Variants in MIS18A observed in about 807,000 individuals in gnomAD.
MIS18A encodes protein Mis18-alpha.
In MIS18A, 14 loss-of-function variants were observed where a neutral mutation model predicts 25.0. The observed-to-expected ratio is 0.56, with a 90% confidence interval of 0.37 to 0.88. The LOEUF (loss-of-function observed/expected upper bound fraction) is 0.88. MIS18A is among the 40% of genes least tolerant of loss of function. MIS18A has a pLI of 0.00. For synonymous variants in MIS18A, 134 were observed against 118.6 expected (o/e 1.13, Z -0.84); for missense variants, 292 against 290.8 (o/e 1.00, Z -0.03).
At chr21:32,226,186 C>T in the MIS18A span, among the ~76,000 whole-genome samples, 4 of 140,150 alleles carry the variant, frequency 2.9e-5, no homozygotes, top group Admixed American at 7.2e-5. Flanking sequence ...GGCTAGATGA[C>T]GAGTTAGTGG....
the MIS18A span, among the ~76,000 whole-genome samples, chr21:32,216,432 G>A: frequency 2.6e-5 from 4 of 152,292 alleles, no homozygotes; most frequent in East Asian, 7.7e-4. Context: ...TATGTGATGT[G>A]ACTCAGAGCT....
At chr21:32,202,944 T>C in the MIS18A span, among the ~76,000 whole-genome samples, 1 of 152,222 alleles carries the variant, frequency 6.6e-6, no homozygotes, top group Non-Finnish European at 1.5e-5. Flanking sequence ...AACTTGACTA[T>C]ACAAATATTT....
the MIS18A span, among the ~76,000 whole-genome samples, chr21:32,231,819 G>A: frequency 9.9e-5 from 15 of 152,094 alleles, no homozygotes; most frequent in South Asian, 2.1e-4. Context: ...AGGCTGAGGC[G>A]GGAGAATGGC....
the MIS18A span, among the ~76,000 whole-genome samples, chr21:32,231,236 GAAAAA>G: frequency 1.2e-5 from 1 of 85,260 alleles, no homozygotes. Flanking sequence ...ACCCTGTCTC[GAAAAA>G]AAAAAAAAAA....
At chr21:32,278,639 A>C in intron 1 of MIS18A, 42 bp downstream of exon 1, 2 of 1,462,474 alleles carry the variant, frequency 1.4e-6, no homozygotes, top group Non-Finnish European at 1.8e-6. Flanking sequence ...CCCTGGAAGA[A>C]GGCGACCCCA....
At chr21:32,204,040 G>A in the MIS18A span, among the ~76,000 whole-genome samples, 1 of 152,158 alleles carries the variant, frequency 6.6e-6, no homozygotes, top group Non-Finnish European at 1.5e-5. Flanking sequence ...GAAGTAAAGG[G>A]CAGGACAAGA....
At chr21:32,156,047 C>T in the MIS18A span, among the ~76,000 whole-genome samples, 1 of 152,062 alleles carries the variant, frequency 6.6e-6, no homozygotes, top group Non-Finnish European at 1.5e-5. Context: ...AATTTGCTTA[C>T]AAAAACATAC....
chr21:32,253,899 T>A, the MIS18A span, among the ~76,000 whole-genome samples: 1 of 151,910 alleles, frequency 6.6e-6, no homozygotes, highest in African/African-American at 2.4e-5. Context: ...TTTAATAGAG[T>A]TTTTTTTAAA....
At chr21:32,184,941 G>A in the MIS18A span, among the ~76,000 whole-genome samples, 4 of 151,974 alleles carry the variant, frequency 2.6e-5, no homozygotes, top group Non-Finnish European at 5.9e-5. Context: ...GCTCAGGGTC[G>A]GCTCCCACCA....
chr21:32,192,710 C>T, the MIS18A span, among the ~76,000 whole-genome samples: 5 of 152,310 alleles, frequency 3.3e-5, no homozygotes, highest in Non-Finnish European at 7.4e-5. Context: ...CCCACTTCCC[C>T]CTCTACATCT....
the MIS18A span, among the ~76,000 whole-genome samples, chr21:32,224,307 G>T: frequency 3.4e-5 from 5 of 148,520 alleles, no homozygotes; most frequent in South Asian, 8.7e-4. Flanking sequence ...GAAATAAAAG[G>T]TATTCAATTA....
the MIS18A span, among the ~76,000 whole-genome samples, chr21:32,191,289 G>A: frequency 6.6e-6 from 1 of 152,178 alleles, no homozygotes; most frequent in South Asian, 2.1e-4. Flanking sequence ...CAAATTTTCA[G>A]CATAAAAGTT....
the MIS18A span, among the ~76,000 whole-genome samples, chr21:32,194,674 AAGATAT>A: frequency 8.9e-4 from 135 of 152,098 alleles, 1 homozygote; most frequent in Middle Eastern, 6.8e-3. Context: ...TAAAAAAAAA[AAGATAT>A]AGATATAGAC....
the MIS18A span, among the ~76,000 whole-genome samples, chr21:32,205,233 T>C: frequency 1.0e-3 from 150 of 150,084 alleles, no homozygotes; most frequent in Non-Finnish European, 1.2e-3. Context: ...GCCTCCTGAG[T>C]AGCTGGGACT....
chr21:32,276,463 A>T (rs1375939260), intron 1 of MIS18A, among the ~76,000 whole-genome samples: 1 of 63,674 alleles, frequency 1.6e-5, no homozygotes, highest in African/African-American at 1.2e-4. Context: ...TCTGTCTCAA[A>T]AAAAAAAAAA....
At chr21:32,218,192 C>CAAAAAAAAAAAAAAAAAAAAA in the MIS18A span, among the ~76,000 whole-genome samples, 2 of 56,374 alleles carry the variant, frequency 3.5e-5, no homozygotes, top group Non-Finnish European at 3.3e-5. Context: ...GACTCCATCT[C>CAAAAAAAAAAAAAAAAAAAAA]AAAAAAAAAA....
At chr21:32,187,712 G>A in the MIS18A span, among the ~76,000 whole-genome samples, 1 of 152,180 alleles carries the variant, frequency 6.6e-6, no homozygotes, top group Non-Finnish European at 1.5e-5. Context: ...AGCATAAAGT[G>A]CTAGGGGGTG....
the MIS18A span, among the ~76,000 whole-genome samples, chr21:32,233,949 A>G: frequency 6.6e-6 from 1 of 152,228 alleles, no homozygotes; most frequent in Non-Finnish European, 1.5e-5. Flanking sequence ...AAGTCTGAGA[A>G]ATTCTGTCTA....
At chr21:32,193,483 GATAGA>G in the MIS18A span, among the ~76,000 whole-genome samples, 1 of 15,852 alleles carries the variant, frequency 6.3e-5, no homozygotes, top group African/African-American at 1.7e-4. Context: ...TAGATAGGTA[GATAGA>G]TAGATAGATA....
Sources: allele counts gnomAD v4.1 joint callset (sites outside exome capture counted in the v4.1 genomes callset), GRCh38; gene constraint gnomAD v4.1.1; transcripts MANE v1.5; gene names NCBI Gene and HGNC (gene_info 2026-07-23, HGNC 2026-07-21).